PTPRD: variants seen among roughly 807,000 people sequenced by gnomAD.
PTPRD encodes receptor-type tyrosine-protein phosphatase delta.
A neutral mutation model predicts 214.5 loss-of-function variants in PTPRD; 34 were observed. The ratio of observed to expected loss-of-function variants is 0.16; its 90% confidence interval spans 0.12 to 0.21. The LOEUF is 0.21. PTPRD is among the 10% of genes least tolerant of loss of function. The probability of loss-of-function intolerance (pLI) is 1.00; values close to 1 mark genes in which losing one functional copy is unlikely to be tolerated. For missense variants in PTPRD, 2,545 were observed against 2,398.7 expected, an observed-to-expected ratio of 1.06 and a Z score of -1.27; for synonymous variants, 1,128 against 845.7, an observed-to-expected ratio of 1.33 and a Z score of -5.79.
rs192968127 is a variant in PTPRD at position 10,445,298 on chromosome 9, G to C, written c.-599-104281C>G. Among the ~76,000 whole-genome samples, 3 of 152,154 alleles carry C rather than the reference G, an allele frequency of 2.0e-5. No homozygotes were observed. In the East Asian group the frequency reaches 5.8e-4, roughly 29 times the overall value. ...GTCAGAACTACTTTGAGTTGCAATT[G>C]TTGACTTTGAAGCACTTGAGCAGAA... On this transcript the variant is annotated intron_variant, in intron 2 of 45. Coordinates refer to ENST00000381196, the MANE Select transcript of PTPRD (RefSeq NM_002839.4).
intron 3 of PTPRD, among the ~76,000 whole-genome samples, chr9:10,037,514 AT>A (rs1433823043): frequency 1.3e-5 from 2 of 151,704 alleles, no homozygotes; most frequent in South Asian, 2.1e-4. Context: ...TATTGTGGAA[AT>A]GTAAACTAAT....
chr9:9,148,772 C>T (rs190336493), intron 10 of PTPRD, among the ~76,000 whole-genome samples: 1 of 152,270 alleles, frequency 6.6e-6, no homozygotes, highest in East Asian at 1.9e-4. Flanking sequence ...TGTACCATTG[C>T]ATTCTCATTC....
intron 11 of PTPRD, among the ~76,000 whole-genome samples, chr9:8,855,401 T>G (rs1289664047): frequency 6.6e-6 from 1 of 152,188 alleles, no homozygotes; most frequent in Non-Finnish European, 1.5e-5. Context: ...AATAAATTGC[T>G]GCATTTCATT....
intron 9 of PTPRD, among the ~76,000 whole-genome samples, chr9:9,338,970 G>A (rs1444392226): frequency 1.3e-5 from 2 of 152,080 alleles, no homozygotes; most frequent in Non-Finnish European, 2.9e-5. Flanking sequence ...AAAATCGCAA[G>A]ATTCCTGCTA....
chr9:9,815,177 G>C (rs1243587798), intron 5 of PTPRD, among the ~76,000 whole-genome samples: 1 of 152,104 alleles, frequency 6.6e-6, no homozygotes, highest in Non-Finnish European at 1.5e-5. Context: ...TAATGGATCA[G>C]AATAGAGAGC....
Position 10,112,151 on chromosome 9 carries a change from G to C in PTPRD, c.-544-78361C>G, listed in dbSNP as rs149189646. ...AGTGCTTTTTTGTGTTTCTGGAATTGACAAGCAAATTCGCTTTTTGGAATG... is the reference window on the plus strand; with the variant it reads ...AGTGCTTTTTTGTGTTTCTGGAATTCACAAGCAAATTCGCTTTTTGGAATG... On this transcript the variant is annotated intron_variant, in intron 3 of 45. Transcript: ENST00000381196. 3.0e-3 allele frequency among the ~76,000 whole-genome samples: 457 copies of C among 152,282 alleles called. 3 individuals carry two copies. Among genetic ancestry groups the C allele is most frequent in the African/African-American group, 0.011 (441 of 41,556 alleles).
intron 11 of PTPRD, among the ~76,000 whole-genome samples, chr9:8,767,508 A>G (rs1472857474): frequency 1.3e-5 from 2 of 152,166 alleles, no homozygotes; most frequent in Non-Finnish European, 2.9e-5. Context: ...CATTTGTTGC[A>G]GCATTTTTTT....
chr9:9,262,133 C>T (rs2099980389), intron 9 of PTPRD, among the ~76,000 whole-genome samples: 1 of 151,472 alleles, frequency 6.6e-6, no homozygotes, highest in African/African-American at 2.4e-5. Flanking sequence ...TTAATGGACA[C>T]TTAAACAATG....
chr9:8,337,725 G>A (rs536712770), intron 43 of PTPRD, among the ~76,000 whole-genome samples: 2 of 152,030 alleles, frequency 1.3e-5, no homozygotes, highest in Admixed American at 1.3e-4. Flanking sequence ...TCAGATTTAA[G>A]TTGTGCATGT....
intron 11 of PTPRD, among the ~76,000 whole-genome samples, chr9:8,786,402 CTTTTTTTTTTTT>C (rs36018689): frequency 1.5e-5 from 1 of 66,996 alleles, no homozygotes; most frequent in African/African-American, 5.6e-5. Context: ...GTTTGGAGTT[CTTTTTTTTTTTT>C]TTTTTTTTTT....
chr9:8,345,484 A>G (rs1271987423), intron 39 of PTPRD, among the ~76,000 whole-genome samples: 2 of 152,036 alleles, frequency 1.3e-5, no homozygotes, highest in South Asian at 2.1e-4. Context: ...GCATTTGACT[A>G]TCCCTAATGC....
At chr9:8,526,125 A>C (rs1054862468) in intron 17 of PTPRD, among the ~76,000 whole-genome samples, 2 of 152,080 alleles carry the variant, frequency 1.3e-5, no homozygotes, top group Non-Finnish European at 2.9e-5. Context: ...AGATAAAGAC[A>C]AAAAGCAGAT....
intron 10 of PTPRD, among the ~76,000 whole-genome samples, chr9:9,111,217 A>C (rs949687563): frequency 5.9e-5 from 9 of 151,870 alleles, no homozygotes; most frequent in Non-Finnish European, 8.8e-5. Context: ...AAAGAAAAAA[A>C]AAAAAAAGAA....
intron 11 of PTPRD, among the ~76,000 whole-genome samples, chr9:8,931,356 T>C (rs2098951190): frequency 6.6e-6 from 1 of 152,102 alleles, no homozygotes; most frequent in Non-Finnish European, 1.5e-5. Context: ...GCTGTTTTGG[T>C]TTCTCTAGCC....
intron 9 of PTPRD, among the ~76,000 whole-genome samples, chr9:9,312,214 T>C (rs993102330): frequency 1.3e-5 from 2 of 152,116 alleles, no homozygotes; most frequent in East Asian, 1.9e-4. Context: ...CGTTTAAAAA[T>C]TGCAGGAACT....
At chr9:10,444,303 G>A (rs963252673) in intron 2 of PTPRD, among the ~76,000 whole-genome samples, 1 of 151,712 alleles carries the variant, frequency 6.6e-6, no homozygotes, top group Non-Finnish European at 1.5e-5. Context: ...TAAATTTTAA[G>A]TAATAAAAGA....
At chr9:9,710,717 T>C (rs949815063) in intron 7 of PTPRD, among the ~76,000 whole-genome samples, 46 of 152,270 alleles carry the variant, frequency 3.0e-4, no homozygotes, top group African/African-American at 1.1e-3. Flanking sequence ...TGAAGTACTA[T>C]ACTAATAATT....
chr9:9,494,854 A>G (rs1332122328), intron 8 of PTPRD, among the ~76,000 whole-genome samples: 3 of 152,226 alleles, frequency 2.0e-5, no homozygotes, highest in Non-Finnish European at 2.9e-5. Context: ...CTGGATTACC[A>G]AAACAATCTT....
chr9:9,866,329 T>C (rs1456256379), intron 5 of PTPRD, among the ~76,000 whole-genome samples: 2 of 152,192 alleles, frequency 1.3e-5, no homozygotes, highest in Non-Finnish European at 2.9e-5. Flanking sequence ...TACAGTGTTA[T>C]AGCTTTAGGA....
Sources: allele counts gnomAD v4.1 joint callset (sites outside exome capture counted in the v4.1 genomes callset), GRCh38; gene constraint gnomAD v4.1.1; transcripts MANE v1.5; gene names NCBI Gene and HGNC (gene_info 2026-07-23, HGNC 2026-07-21).